The following DPP6 variants were observed in gnomAD, a reference collection of about 807,000 sequenced individuals.
The protein encoded by DPP6 is dipeptidyl peptidase like 6.
DPP6 carries 69 observed loss-of-function variants against 122.6 expected under a neutral mutation model. The observed-to-expected ratio is 0.56, with a 90% CI of 0.46 to 0.69. The LOEUF (loss-of-function observed/expected upper bound fraction) is 0.69, where lower values mean the gene tolerates loss of function less well. Ranked by LOEUF, DPP6 falls within the 30% of genes least tolerant of loss-of-function variation. DPP6 has a pLI of 0.00. For synonymous variants in DPP6, 418 were observed against 433.1 expected, an observed-to-expected ratio of 0.97 and a Z score of 0.43; for missense variants, 928 against 1,116.9, an observed-to-expected ratio of 0.83 and a Z score of 2.41.
chr7:154,033,048 G>A (rs1321166030), intron 1 of DPP6, among the ~76,000 whole-genome samples: 1 of 151,202 alleles, frequency 6.6e-6, no homozygotes, highest in Non-Finnish European at 1.5e-5. Flanking sequence ...CTAAGCAACA[G>A]TACTGCTAAA....
At chr7:153,815,671 T>C in the DPP6 span, among the ~76,000 whole-genome samples, 1 of 152,126 alleles carries the variant, frequency 6.6e-6, no homozygotes, top group Non-Finnish European at 1.5e-5. Flanking sequence ...GTTAGTCCTT[T>C]GTCAGAAAAA....
chr7:154,510,923 TACACACACACATGC>T (rs2129791627), intron 3 of DPP6, among the ~76,000 whole-genome samples: 1 of 121,436 alleles, frequency 8.2e-6, no homozygotes, highest in Admixed American at 9.4e-5. Context: ...CTCTTACACA[TACACACACACATGC>T]ACACACACAC....
chr7:154,782,282 T>A (rs116730941), intron 10 of DPP6, among the ~76,000 whole-genome samples: 5,333 of 152,334 alleles, frequency 0.035, 308 homozygotes, highest in African/African-American at 0.12. Flanking sequence ...CTGTTCATAT[T>A]TTGGTATCAT....
chr7:154,653,023 TCTCCCAGG>T (rs1836981791), intron 6 of DPP6, among the ~76,000 whole-genome samples: 1 of 152,128 alleles, frequency 6.6e-6, no homozygotes. Flanking sequence ...TGTTCCCCTG[TCTCCCAGG>T]CTGGGGTCTC....
At chr7:154,767,955 T>C (rs1796011072) in intron 8 of DPP6, among the ~76,000 whole-genome samples, 1 of 152,210 alleles carries the variant, frequency 6.6e-6, no homozygotes, top group African/African-American at 2.4e-5. Flanking sequence ...GGAGCGAGGC[T>C]CAATGAGCTG....
chr7:153,782,343 G>A, the DPP6 span, among the ~76,000 whole-genome samples: 5 of 152,162 alleles, frequency 3.3e-5, no homozygotes, highest in East Asian at 9.7e-4. Context: ...GGGCAGGTGG[G>A]AAGCCTAGAA....
intron 1 of DPP6, among the ~76,000 whole-genome samples, chr7:154,120,122 G>A (rs1486144882): frequency 6.6e-6 from 1 of 151,906 alleles, no homozygotes; most frequent in Non-Finnish European, 1.5e-5. Flanking sequence ...CATTACCTGT[G>A]GTCTCCAGGT....
chr7:154,045,242 C>CT (rs949626581), intron 1 of DPP6, among the ~76,000 whole-genome samples: 14 of 149,106 alleles, frequency 9.4e-5, no homozygotes, highest in East Asian at 2.0e-4. Context: ...TAAATGGTTT[C>CT]TTTTTTTTAT....
chr7:153,981,594 G>T (rs1441523390), intron 1 of DPP6, among the ~76,000 whole-genome samples: 1 of 152,190 alleles, frequency 6.6e-6, no homozygotes, highest in Non-Finnish European at 1.5e-5. Context: ...TATGATGGTA[G>T]CTGGTTACTT....
intron 1 of DPP6, among the ~76,000 whole-genome samples, chr7:154,087,249 T>TGAGATGAAGCTGACACGTGC (rs1290825350): frequency 6.6e-6 from 1 of 151,894 alleles, no homozygotes; most frequent in Non-Finnish European, 1.5e-5. Flanking sequence ...AGGAGTGGTG[T>TGAGATGAAGCTGACACGTGC]GAGATGAAGC....
chr7:154,202,975 G>T (rs977898035), intron 1 of DPP6, among the ~76,000 whole-genome samples: 1 of 152,120 alleles, frequency 6.6e-6, no homozygotes, highest in African/African-American at 2.4e-5. Flanking sequence ...GTTTGACTTA[G>T]GAGTACATAA....
chr7:154,113,412 T>TATATATATATATATATACACAC (rs1472172445), intron 1 of DPP6, among the ~76,000 whole-genome samples: 8 of 141,754 alleles, frequency 5.6e-5, no homozygotes, highest in African/African-American at 2.1e-4. Context: ...TATATATATA[T>TATATATATATATATATACACAC]ACACACACAC....
intron 6 of DPP6, among the ~76,000 whole-genome samples, chr7:154,645,361 G>T (rs777881552): frequency 2.0e-5 from 3 of 152,032 alleles, no homozygotes; most frequent in Non-Finnish European, 2.9e-5. Flanking sequence ...CACTGCGCCC[G>T]GCCTGTTACT....
intron 1 of DPP6, among the ~76,000 whole-genome samples, chr7:153,912,522 G>A (rs549102881): frequency 6.6e-6 from 1 of 152,296 alleles, no homozygotes; most frequent in South Asian, 2.1e-4. Context: ...TGCTTAGAAG[G>A]ATTTAGAGAT....
chr7:154,737,063 C>G (rs1481997932), intron 8 of DPP6, among the ~76,000 whole-genome samples: 2 of 152,236 alleles, frequency 1.3e-5, no homozygotes, highest in African/African-American at 2.4e-5. Flanking sequence ...AGCCCAGGGG[C>G]ACAGGATCAT....
intron 1 of DPP6, among the ~76,000 whole-genome samples, chr7:153,955,001 G>T (rs1802394282): frequency 1.3e-5 from 2 of 152,212 alleles, no homozygotes; most frequent in Admixed American, 1.3e-4. Context: ...GTTGGTGGGT[G>T]TGTAGCATTG....
At chr7:154,198,775 TCTC>T (rs1799008500) in intron 1 of DPP6, among the ~76,000 whole-genome samples, 1 of 152,162 alleles carries the variant, frequency 6.6e-6, no homozygotes, top group African/African-American at 2.4e-5. Flanking sequence ...TCAGAGCCTC[TCTC>T]CTCTGTTTTG....
chr7:154,358,891 A>C (rs1338959359), intron 1 of DPP6, among the ~76,000 whole-genome samples: 1 of 152,140 alleles, frequency 6.6e-6, no homozygotes, highest in Admixed American at 6.5e-5. Flanking sequence ...TTTTTAGTAG[A>C]GATGAGGTTT....
At chr7:153,848,213 C>T in the DPP6 span, among the ~76,000 whole-genome samples, 2 of 152,162 alleles carry the variant, frequency 1.3e-5, no homozygotes, top group East Asian at 3.9e-4. Context: ...TGAGTCAACA[C>T]ACTTGTGGGT....
Sources: gnomAD v4.1 joint callset for allele counts (sites outside exome capture counted in the v4.1 genomes callset) on GRCh38, gnomAD v4.1.1 for gene constraint, MANE v1.5 for transcripts, NCBI Gene and HGNC (gene_info 2026-07-23, HGNC 2026-07-21) for gene names.